The following ZNF432 variants were observed in gnomAD, a reference collection of about 807,000 sequenced individuals.
ZNF432 encodes the protein zinc finger protein 432.
ZNF432 carries 10 observed loss-of-function variants against 13.9 expected under a neutral mutation model. The observed-to-expected ratio is 0.72, with a 90% CI of 0.44 to 1.22. The LOEUF (loss-of-function observed/expected upper bound fraction) is 1.22. Among genes scored for constraint, ZNF432 ranks in the 50% most tolerant of loss-of-function variants. ZNF432 has a pLI of 0.00. For synonymous variants in ZNF432, 247 were observed against 256.2 expected (o/e 0.96, Z 0.34); for missense variants, 793 against 796.2 (o/e 1.00, Z 0.05).
intron 2 of ZNF432, among the ~76,000 whole-genome samples, chr19:52,043,642 C>T (rs1307279852): frequency 2.0e-5 from 3 of 152,128 alleles, no homozygotes; most frequent in Non-Finnish European, 2.9e-5. Context: ...CTGCCCGTCC[C>T]TGGGCAATGG....
rs201790893 is a variant in ZNF432, at chr19:52,034,305, T to A, written c.1374A>T (p.Thr458=). 3 of 1,609,304 alleles carry A rather than the reference T, an allele frequency of 1.9e-6. No individual in the cohort carries two copies. The highest frequency in any genetic ancestry group is 2.5e-6 in the Non-Finnish European group (3 of 1,177,042). ...QRTHTGEKPY[T]CSECGKGFPL... ...GGAAGCCTTTCCCACATTCACTGCA[T>A]GTGTAGGGCTTCTCTCCTGTATGAG... The change falls in exon 5 of 5, where the codon ACA becomes ACT. Residue 458 remains threonine, a synonymous_variant. Transcript: ENST00000221315.
chr19:52,040,316 T>G, intron 4 of ZNF432, 172 bp downstream of exon 4: 1 of 647,602 alleles, frequency 1.5e-6, no homozygotes, highest in Non-Finnish European at 2.8e-6. Flanking sequence ...ACAGGACAGA[T>G]GTATGGTACT....
chr19:52,043,474 G>GTT (rs2087153905), intron 2 of ZNF432, among the ~76,000 whole-genome samples: 2 of 152,028 alleles, frequency 1.3e-5, no homozygotes, highest in Admixed American at 1.3e-4. Context: ...ATTGTCCAAG[G>GTT]TTTCTCCCCA....
At chr19:52,045,863 T>A (rs1475558258) in intron 2 of ZNF432, among the ~76,000 whole-genome samples, 2 of 151,084 alleles carry the variant, frequency 1.3e-5, no homozygotes, top group African/African-American at 4.9e-5. Context: ...GGCATGCAAG[T>A]GCACACCTGT....
rs1442585674 is a variant in ZNF432 at position 52,035,324 on chromosome 19, T to C, written c.355A>G (p.Ser119Gly). Residue 119 changes from serine (S) to glycine (G), a missense_variant, in exon 5 of 5, where the codon AGC (serine) becomes GGC (glycine). Transcript: ENST00000221315. ...AFGNTASQTK[S>G]LCLFRENHDT... Reference sequence around the variant, plus strand: ...TGATTTTCCCTGAAAAGACAAAGGCTTTTGGTTTGAGAGGCAGTATTTCCA... The same window carrying C: ...TGATTTTCCCTGAAAAGACAAAGGCCTTTGGTTTGAGAGGCAGTATTTCCA... 1 of 1,612,712 alleles carries C rather than the reference T, an allele frequency of 6.2e-7. No individual in the cohort carries two copies. The highest frequency in any genetic ancestry group is 2.2e-5 in the East Asian group (1 of 44,844).
In ZNF432 at chr19:52,034,408, G is replaced by A; in HGVS notation, c.1271C>T (p.Thr424Ile). ...SNLIVHQRNH[T>I]VEKSYLCSEC... Reference sequence around the variant, plus strand: ...ACTACATAGATATGACTTCTCTACTGTATGATTTCTCTGATGTACAATAAG... The same window carrying A: ...ACTACATAGATATGACTTCTCTACTATATGATTTCTCTGATGTACAATAAG... The change falls in exon 5 of 5, where the codon ACA becomes ATA. Residue 424 changes from threonine to isoleucine, a missense_variant. Thr to Ile is a moderately conservative substitution (Grantham distance 89, BLOSUM62 -1). Coordinates refer to ENST00000221315, the MANE Select transcript of ZNF432 (RefSeq NM_014650.4). The A allele has an allele frequency of 6.2e-7, 1 of 1,613,866 alleles. No homozygotes were observed. The highest frequency in any genetic ancestry group is 1.1e-5 in the South Asian group (1 of 91,048).
chr19:52,035,990 G>C (rs17779301), intron 4 of ZNF432, among the ~76,000 whole-genome samples: 2 of 152,028 alleles, frequency 1.3e-5, no homozygotes, highest in African/African-American at 4.8e-5. Flanking sequence ...AATCTATATC[G>C]ATTTGACAGC....
chr19:52,040,695 C>T (rs371665680), intron 3 of ZNF432, 112 bp from the exon 4 acceptor site: 1 of 841,550 alleles, frequency 1.2e-6, no homozygotes, highest in Non-Finnish European at 1.9e-6. Flanking sequence ...AAAGTAGAGG[C>T]TTCTCTCTCA....
chr19:52,046,912 C>G lies in ZNF432; in HGVS notation c.-44G>C, dbSNP rs199524883. On this transcript the variant is annotated 5_prime_UTR_variant, in exon 2 of 5. Transcript: ENST00000221315. ...ATGGCCAGCACCTGGGATACTCTGTCTTTGTCTCCTCTGGATCTGCCTTAA... is the reference window on the plus strand; with the variant it reads ...ATGGCCAGCACCTGGGATACTCTGTGTTTGTCTCCTCTGGATCTGCCTTAA... 2.4e-5 allele frequency: 39 copies of G among 1,609,204 alleles called. No homozygotes were observed. Among genetic ancestry groups the G allele is most frequent in the Non-Finnish European group, 3.1e-5 (36 of 1,177,402 alleles).
chr19:52,032,448 T>TTA lies in ZNF432; in HGVS notation c.*1271_*1272insTA, dbSNP rs1471669097. ...TCCTCAAATATGGTTTTTTTTTTTT[T>TTA]TTTTTGAGGCAGAGTTTCGCTCTTG... On this transcript the variant is annotated 3_prime_UTR_variant, in exon 5 of 5. Coordinates refer to ENST00000221315, the MANE Select transcript of ZNF432 (RefSeq NM_014650.4). 1 of 151,444 alleles carries TTA rather than the reference T, an allele frequency of 6.6e-6. No homozygotes were observed. Among genetic ancestry groups the TTA allele is most frequent in the Non-Finnish European group, 1.5e-5 (1 of 67,846 alleles). 9.4% of individuals were successfully genotyped at this position (151,444 alleles called of 1,614,324 possible). A position where few individuals can be genotyped will look rare whatever the true frequency, so the allele number is the denominator to read the frequency against.
intron 3 of ZNF432, among the ~76,000 whole-genome samples, chr19:52,040,939 CAAA>C (rs137978203): frequency 4.0e-5 from 5 of 124,948 alleles, no homozygotes; most frequent in Admixed American, 2.4e-4. Context: ...TCCATCTCTA[CAAA>C]AAAAAAAAAA....
At chr19:52,043,264 C>G (rs1206592033) in intron 2 of ZNF432, among the ~76,000 whole-genome samples, 6 of 152,174 alleles carry the variant, frequency 3.9e-5, no homozygotes, top group Non-Finnish European at 5.9e-5. Flanking sequence ...TGACCTTACC[C>G]CCAACCCCGT....
In ZNF432 at chr19:52,035,005, C is replaced by T. The variant is rs1568520413; in HGVS notation, c.674G>A (p.Arg225Lys). 6.2e-7 allele frequency: 1 copy of T among 1,614,146 alleles called. No individual in the cohort carries two copies. The highest frequency in any genetic ancestry group is 8.5e-7 in the Non-Finnish European group (1 of 1,180,016). The stretch of plus-strand genomic sequence containing the variant: ...ATAAGGTTTTTCTCCTGTATGAACT[C>T]TCTCATGATCAGTGAGCTGAGACTT... ...VKKSQLTDHE[R>K]VHTGEKPYGC... The change falls in exon 5 of 5, where the codon AGA (arginine) becomes AAA (lysine). Residue 225 changes from arginine to lysine, a missense_variant. By Grantham distance (26) the Arg-to-Lys change is conservative. Coordinates refer to ENST00000221315, the MANE Select transcript of ZNF432 (RefSeq NM_014650.4).
chr19:52,038,489 C>T (rs567392914), intron 4 of ZNF432, among the ~76,000 whole-genome samples: 1 of 152,296 alleles, frequency 6.6e-6, no homozygotes, highest in East Asian at 1.9e-4. Flanking sequence ...GGGGATTCTC[C>T]ATGTTGGTGA....
In ZNF432 at chr19:52,032,399, A is replaced by G. The variant is rs1035982739; in HGVS notation, c.*1321T>C. ...CTGTCACAGAATAGATATCAAGTGT[A>G]TCATGAGTTTAGATTTGTGACAGTC... On this transcript the variant is annotated 3_prime_UTR_variant, in exon 5 of 5. Coordinates refer to ENST00000221315, the MANE Select transcript of ZNF432 (RefSeq NM_014650.4). The G allele has an allele frequency of 1.3e-5, 2 of 151,022 alleles. No homozygotes were observed. Among genetic ancestry groups the G allele is most frequent in the Admixed American group, 6.6e-5 (1 of 15,150 alleles). The allele number at this position is 151,022 out of a possible 1,614,324, so 9.4% of individuals were successfully genotyped here.
intron 4 of ZNF432, among the ~76,000 whole-genome samples, chr19:52,037,618 G>A (rs758333146): frequency 1.3e-5 from 2 of 151,674 alleles, no homozygotes; most frequent in African/African-American, 2.4e-5. Context: ...GCAACATGGT[G>A]AAACACAAAA....
At chr19:52,047,987 T>G (rs1204758813) in intron 1 of ZNF432, among the ~76,000 whole-genome samples, 3 of 152,044 alleles carry the variant, frequency 2.0e-5, no homozygotes, top group Non-Finnish European at 4.4e-5. Flanking sequence ...CAAAAAACTT[T>G]CATTTTCTGC....
At chr19:52,040,630 G>T (rs1555777005) in intron 3 of ZNF432, 47 bp from the exon 4 acceptor site, 1 of 1,481,522 alleles carries the variant, frequency 6.7e-7, no homozygotes, top group South Asian at 1.1e-5. Flanking sequence ...ATTGGGCTGG[G>T]GTATGTAATG....
At chr19:52,038,291 C>T (rs1282590331) in intron 4 of ZNF432, among the ~76,000 whole-genome samples, 1 of 152,098 alleles carries the variant, frequency 6.6e-6, no homozygotes, top group Non-Finnish European at 1.5e-5. Flanking sequence ...TATTTCATGC[C>T]TTCATTCTTT....
Sources: allele counts gnomAD v4.1 joint callset (sites outside exome capture counted in the v4.1 genomes callset), GRCh38; gene constraint gnomAD v4.1.1; transcripts MANE v1.5; gene names NCBI Gene and HGNC (gene_info 2026-07-23, HGNC 2026-07-21).